DCC: variants seen among roughly 807,000 people sequenced by gnomAD.
DCC encodes DCC netrin 1 receptor.
A neutral mutation model predicts 172.5 loss-of-function variants in DCC; 58 were observed. The observed-to-expected ratio is 0.34, with a 90% CI of 0.27 to 0.42. The LOEUF is 0.42. DCC is among the 10% of genes least tolerant of loss of function. The pLI, the probability that DCC is intolerant of heterozygous loss-of-function variation, is 1.00. For missense variants in DCC, 1,740 were observed against 1,791.0 expected (o/e 0.97, Z 0.51); for synonymous variants, 709 against 644.5 (o/e 1.10, Z -1.52).
At chr18:53,317,428 G>T (rs1347775387) in intron 13 of DCC, among the ~76,000 whole-genome samples, 1 of 152,090 alleles carries the variant, frequency 6.6e-6, no homozygotes, top group Non-Finnish European at 1.5e-5. Flanking sequence ...CAGGGATATC[G>T]GCTTGAAATT....
chr18:53,382,463 G>A (rs1907834319), intron 15 of DCC, among the ~76,000 whole-genome samples: 2 of 151,980 alleles, frequency 1.3e-5, no homozygotes, highest in African/African-American at 4.8e-5. Flanking sequence ...ACAAGCCCTA[G>A]TTCAAAGTTC....
chr18:52,474,244 A>AGAGAG lies in DCC; in HGVS notation c.91+133366_91+133367insGAGAG, dbSNP rs1568186675. On this transcript the variant is annotated intron_variant, in intron 1 of 28. Coordinates refer to ENST00000442544, the MANE Select transcript of DCC (RefSeq NM_005215.4). ...AGAGAGAGAGAGAGAGAGAGAGAGA[A>AGAGAG]AGAGAGAGAAGCAATTCATACACCA... 2.5e-3 allele frequency among the ~76,000 whole-genome samples: 81 copies of AGAGAG among 32,172 alleles called. 1 individual carries two copies. The highest frequency in any genetic ancestry group is 6.4e-3 in the African/African-American group (73 of 11,494). 21.1% of individuals were successfully genotyped at this position (32,172 alleles called of 152,430 possible). A position where few individuals can be genotyped will look rare whatever the true frequency, so the allele number is the denominator to read the frequency against.
At chr18:52,739,036 C>T (rs757934818) in intron 1 of DCC, among the ~76,000 whole-genome samples, 45 of 152,198 alleles carry the variant, frequency 3.0e-4, no homozygotes, top group Non-Finnish European at 4.9e-4. Flanking sequence ...TTTTATACTA[C>T]TGGCAGCACA....
chr18:52,829,213 C>T (rs1282346436), intron 2 of DCC, among the ~76,000 whole-genome samples: 1 of 152,146 alleles, frequency 6.6e-6, no homozygotes, highest in Non-Finnish European at 1.5e-5. Flanking sequence ...TCTTTTCCTA[C>T]ATAAAGCTGC....
At chr18:52,433,524 G>T (rs1450773523) in intron 1 of DCC, among the ~76,000 whole-genome samples, 1 of 152,068 alleles carries the variant, frequency 6.6e-6, no homozygotes, top group African/African-American at 2.4e-5. Context: ...GGCAAATAAT[G>T]AATTGTTTTT....
chr18:52,507,179 G>A (rs1273537524), intron 1 of DCC, among the ~76,000 whole-genome samples: 2 of 152,090 alleles, frequency 1.3e-5, no homozygotes, highest in Non-Finnish European at 2.9e-5. Flanking sequence ...TCTCTGTTGA[G>A]CTTTAGTATT....
chr18:52,378,969 C>T (rs372621393), intron 1 of DCC, among the ~76,000 whole-genome samples: 7 of 152,098 alleles, frequency 4.6e-5, no homozygotes, highest in Admixed American at 2.0e-4. Context: ...GTTTTGTGTA[C>T]GTGCCCTTGT....
intron 1 of DCC, among the ~76,000 whole-genome samples, chr18:52,474,232 GAGAGAGAGAGAA>G (rs1479114671): frequency 0.022 from 2,827 of 131,470 alleles, 53 homozygotes; most frequent in Non-Finnish European, 0.036. Flanking sequence ...GAGAGAGAGA[GAGAGAGAGAGAA>G]AGAGAGAGAA....
intron 5 of DCC, among the ~76,000 whole-genome samples, chr18:53,035,128 T>C (rs1359838005): frequency 6.6e-6 from 1 of 151,556 alleles, no homozygotes; most frequent in Non-Finnish European, 1.5e-5. Flanking sequence ...CAAGTCAGGG[T>C]AATTGGGATA....
At chr18:53,208,888 C>T (rs998805988) in intron 11 of DCC, among the ~76,000 whole-genome samples, 1 of 152,056 alleles carries the variant, frequency 6.6e-6, no homozygotes. Context: ...ATGCCACCAC[C>T]CCTGGCTAGT....
At chr18:52,755,793 C>T (rs2037067874) in intron 2 of DCC, among the ~76,000 whole-genome samples, 1 of 152,146 alleles carries the variant, frequency 6.6e-6, no homozygotes, top group South Asian at 2.1e-4. Flanking sequence ...GTCCCTCTTC[C>T]ATTTTTGCTT....
intron 1 of DCC, among the ~76,000 whole-genome samples, chr18:52,570,554 C>T (rs1287504171): frequency 3.9e-5 from 6 of 152,048 alleles, no homozygotes; most frequent in Admixed American, 2.6e-4. Flanking sequence ...AATGATGCTG[C>T]AATAACAACA....
intron 8 of DCC, among the ~76,000 whole-genome samples, chr18:53,175,785 T>A (rs1264251048): frequency 6.6e-6 from 1 of 151,818 alleles, no homozygotes; most frequent in African/African-American, 2.4e-5. Context: ...GCCATCCCCA[T>A]CAAGCTACCA....
intron 7 of DCC, among the ~76,000 whole-genome samples, chr18:53,084,763 A>G (rs946641448): frequency 6.6e-6 from 1 of 152,200 alleles, no homozygotes; most frequent in African/African-American, 2.4e-5. Flanking sequence ...ACTATACAAT[A>G]ACAAACATAT....
rs191791061 is a variant in DCC, at chr18:52,375,534, C to T, written c.91+34656C>T. Among the ~76,000 whole-genome samples, 21 of 152,256 alleles carry T rather than the reference C, an allele frequency of 1.4e-4. 2 individuals carry two copies. Among genetic ancestry groups the T allele is most frequent in the South Asian group, 4.1e-4 (2 of 4,830 alleles). The stretch of plus-strand genomic sequence containing the variant: ...ACAAGATTGTAGGAACAATTCTTGG[C>T]ATGCTGCTAAGTGTTTAACACAGAA... On this transcript the variant is annotated intron_variant, in intron 1 of 28. Coordinates refer to ENST00000442544, the MANE Select transcript of DCC (RefSeq NM_005215.4).
At chr18:53,199,502 T>C (rs978297159) in intron 9 of DCC, among the ~76,000 whole-genome samples, 1 of 152,160 alleles carries the variant, frequency 6.6e-6, no homozygotes, top group Non-Finnish European at 1.5e-5. Flanking sequence ...ATATACTTTA[T>C]GGATATGGAG....
chr18:52,385,116 G>T (rs888114560), intron 1 of DCC, among the ~76,000 whole-genome samples: 2 of 152,124 alleles, frequency 1.3e-5, no homozygotes, highest in Admixed American at 1.3e-4. Flanking sequence ...AAATGTGAAT[G>T]GTTCACAACC....
chr18:52,581,187 T>TTATATATCTATCTATCTATCTATC (rs2033538615), intron 1 of DCC, among the ~76,000 whole-genome samples: 1 of 146,452 alleles, frequency 6.8e-6, no homozygotes, highest in Non-Finnish European at 1.5e-5. Context: ...TCTATATATC[T>TTATATATCTATCTATCTATCTATC]TATCTATCTA....
intron 15 of DCC, among the ~76,000 whole-genome samples, chr18:53,343,839 T>C (rs1422696197): frequency 6.6e-6 from 1 of 152,036 alleles, no homozygotes; most frequent in Admixed American, 6.6e-5. Context: ...TATACAGATA[T>C]AGGTCTGATT....
Sources: allele counts gnomAD v4.1 joint callset (sites outside exome capture counted in the v4.1 genomes callset), GRCh38; gene constraint gnomAD v4.1.1; transcripts MANE v1.5; gene names NCBI Gene and HGNC (gene_info 2026-07-23, HGNC 2026-07-21).